The following CCDC73 variants were observed in gnomAD, a reference collection of about 807,000 sequenced individuals.
CCDC73 encodes coiled-coil domain-containing protein 73.
A neutral mutation model predicts 116.5 loss-of-function variants in CCDC73; 95 were observed. The observed-to-expected ratio is 0.82, with a 90% confidence interval of 0.69 to 0.97. CCDC73 has a LOEUF of 0.97. Ranked by LOEUF, CCDC73 falls within the 50% of genes least tolerant of loss-of-function variation. The pLI, the probability that CCDC73 is intolerant of heterozygous loss-of-function variation, is 0.00. For synonymous variants in CCDC73, 398 were observed against 401.3 expected (o/e 0.99, Z 0.10); for missense variants, 1,066 against 1,206.8 (o/e 0.88, Z 1.73).
At chr11:32,825,752 A>G in the CCDC73 span, among the ~76,000 whole-genome samples, 1 of 152,208 alleles carries the variant, frequency 6.6e-6, no homozygotes, top group South Asian at 2.1e-4. Flanking sequence ...TCACTTGAAT[A>G]TGAGTTCACA....
chr11:32,798,317 C>T (rs977041433), upstream of CCDC73, among the ~76,000 whole-genome samples: 9 of 152,220 alleles, frequency 5.9e-5, no homozygotes, highest in African/African-American at 2.2e-4. Context: ...GTATTTTAGA[C>T]GAGGTCTCGC....
chr11:32,751,698 A>G (rs1039853217), intron 2 of CCDC73, among the ~76,000 whole-genome samples: 1 of 151,540 alleles, frequency 6.6e-6, no homozygotes, highest in Non-Finnish European at 1.5e-5. Context: ...TGTCTTTCCA[A>G]CTCCCTTCAG....
At chr11:32,695,368 CAA>C (rs34683408) in intron 6 of CCDC73, among the ~76,000 whole-genome samples, 7 of 122,638 alleles carry the variant, frequency 5.7e-5, no homozygotes, top group Admixed American at 8.4e-5. Context: ...GACTCCATCT[CAA>C]AAAAAAAAAA....
At chr11:32,830,167 G>C in the CCDC73 span, 1 of 1,029,796 alleles carries the variant, frequency 9.7e-7, no homozygotes, top group Non-Finnish European at 1.2e-6. Context: ...TGTGCGGGGG[G>C]ACACAGGTAC....
chr11:32,825,977 G>A, the CCDC73 span, among the ~76,000 whole-genome samples: 1,398 of 152,252 alleles, frequency 9.2e-3, 12 homozygotes, highest in Middle Eastern at 0.027. Flanking sequence ...AACATGACAC[G>A]TAGGCCTTAT....
intron 9 of CCDC73, among the ~76,000 whole-genome samples, chr11:32,658,730 G>A (rs572304882): frequency 7.2e-5 from 11 of 152,250 alleles, no homozygotes; most frequent in South Asian, 4.1e-4. Flanking sequence ...ATGAGATGAT[G>A]AGTGTCTATA....
intron 9 of CCDC73, among the ~76,000 whole-genome samples, chr11:32,671,428 CTT>C (rs897145128): frequency 1.4e-5 from 2 of 147,308 alleles, no homozygotes; most frequent in African/African-American, 5.0e-5. Context: ...GAAATTCCAT[CTT>C]ATCACAAACC....
At chr11:32,780,812 T>C (rs907701171) in intron 1 of CCDC73, among the ~76,000 whole-genome samples, 1 of 152,176 alleles carries the variant, frequency 6.6e-6, no homozygotes, top group Admixed American at 6.5e-5. Context: ...AGCTAAGGCA[T>C]AGAGAGATTA....
chr11:32,607,818 AAAGAT>A (rs780093865), intron 17 of CCDC73, among the ~76,000 whole-genome samples: 5 of 139,690 alleles, frequency 3.6e-5, no homozygotes, highest in South Asian at 2.4e-4. Flanking sequence ...CTGGAAAAAA[AAAGAT>A]AGGTTTAACG....
chr11:32,699,901 TAA>T (rs1394204609), intron 5 of CCDC73, among the ~76,000 whole-genome samples: 2,848 of 139,436 alleles, frequency 0.02, 84 homozygotes, highest in African/African-American at 0.068. Flanking sequence ...TATATATATA[TAA>T]AAAGAACCAA....
chr11:32,804,127 T>C, the CCDC73 span, among the ~76,000 whole-genome samples: 1 of 151,850 alleles, frequency 6.6e-6, no homozygotes, highest in East Asian at 1.9e-4. Flanking sequence ...GGTATTCTTG[T>C]CAAATTGAAA....
At chr11:32,697,072 C>T (rs1211309667) in intron 6 of CCDC73, among the ~76,000 whole-genome samples, 5 of 151,766 alleles carry the variant, frequency 3.3e-5, no homozygotes, top group African/African-American at 4.8e-5. Flanking sequence ...TGGGTTTACA[C>T]AATCCTCCAG....
At chr11:32,633,952 C>T (rs1156764911) in intron 14 of CCDC73, among the ~76,000 whole-genome samples, 1 of 152,154 alleles carries the variant, frequency 6.6e-6, no homozygotes, top group Non-Finnish European at 1.5e-5. Context: ...CTAAGTACAG[C>T]ATTCACAGGG....
At chr11:32,604,892 G>C (rs768757019) in intron 17 of CCDC73, 1 of 151,904 alleles carries the variant, frequency 6.6e-6, no homozygotes, top group Non-Finnish European at 1.5e-5. Context: ...TTGCACTGTC[G>C]CCCAGGCTGG....
chr11:32,682,130 TGTAA>T (rs2133294188), intron 7 of CCDC73: 1 of 151,912 alleles, frequency 6.6e-6, no homozygotes, highest in South Asian at 2.1e-4. Context: ...TTTTAAAGAT[TGTAA>T]GTATCTGTTT....
chr11:32,757,429 A>C (rs1850354111), intron 2 of CCDC73, among the ~76,000 whole-genome samples: 2 of 152,238 alleles, frequency 1.3e-5, no homozygotes, highest in Non-Finnish European at 2.9e-5. Flanking sequence ...AAATAAGACC[A>C]ATGACAGATA....
At chr11:32,603,976 A>AGCTT (rs1855311768) in intron 17 of CCDC73, 1 of 152,260 alleles carries the variant, frequency 6.6e-6, no homozygotes, top group Non-Finnish European at 1.5e-5. Context: ...CTGAGGTGCA[A>AGCTT]GGATCATTTG....
chr11:32,773,619 A>C (rs1850508583), intron 1 of CCDC73, among the ~76,000 whole-genome samples: 1 of 150,492 alleles, frequency 6.6e-6, no homozygotes, highest in Admixed American at 6.6e-5. Context: ...CATCTTCACA[A>C]ACACACACAC....
At chr11:32,697,225 G>A (rs1303799602) in intron 6 of CCDC73, among the ~76,000 whole-genome samples, 1 of 151,844 alleles carries the variant, frequency 6.6e-6, no homozygotes, top group East Asian at 1.9e-4. Flanking sequence ...AAAGTAAGTT[G>A]CAGCTAATAG....
Sources: gnomAD v4.1 joint callset for allele counts (sites outside exome capture counted in the v4.1 genomes callset) on GRCh38, gnomAD v4.1.1 for gene constraint, MANE v1.5 for transcripts, NCBI Gene and HGNC (gene_info 2026-07-23, HGNC 2026-07-21) for gene names.